The following PPARGC1A variants were observed in gnomAD, a reference collection of about 807,000 sequenced individuals.
The protein encoded by PPARGC1A is PPARG coactivator 1 alpha, also known as peroxisome proliferator-activated receptor gamma coactivator 1-alpha.
PPARGC1A carries 25 observed loss-of-function variants against 88.7 expected under a neutral mutation model. The observed-to-expected ratio is 0.28, with a 90% CI of 0.21 to 0.39. The LOEUF is 0.39. PPARGC1A is among the 10% of genes least tolerant of loss of function. PPARGC1A has a pLI of 1.00. For missense variants in PPARGC1A, 880 were observed against 968.7 expected (o/e 0.91, Z 1.22); for synonymous variants, 363 against 355.6 (o/e 1.02, Z -0.24).
the PPARGC1A span, among the ~76,000 whole-genome samples, chr4:23,914,315 C>T: frequency 6.6e-6 from 1 of 152,210 alleles, no homozygotes; most frequent in South Asian, 2.1e-4. Flanking sequence ...ATAAGACAAT[C>T]ATAGAGACAT....
chr4:24,110,386 T>C, the PPARGC1A span, among the ~76,000 whole-genome samples: 1 of 152,346 alleles, frequency 6.6e-6, no homozygotes, highest in East Asian at 1.9e-4. Flanking sequence ...GATAGATACC[T>C]GAATTGCAAT....
the PPARGC1A span, among the ~76,000 whole-genome samples, chr4:24,317,554 C>CAA: frequency 4.2e-4 from 6 of 14,286 alleles, no homozygotes; most frequent in Non-Finnish European, 1.2e-3. Flanking sequence ...GTTCAGAGGA[C>CAA]TAAAAAAAAA....
intron 2 of PPARGC1A, among the ~76,000 whole-genome samples, chr4:23,845,663 G>A (rs1384560067): frequency 6.6e-6 from 1 of 152,092 alleles, no homozygotes. Context: ...TAGAGCTTGG[G>A]ATTGGGTCTT....
the PPARGC1A span, among the ~76,000 whole-genome samples, chr4:23,933,259 C>A: frequency 6.6e-6 from 1 of 152,198 alleles, no homozygotes; most frequent in South Asian, 2.1e-4. Context: ...ATGGGCCTCT[C>A]CCTAAAGCTC....
chr4:24,173,265 G>A, the PPARGC1A span, among the ~76,000 whole-genome samples: 1 of 149,536 alleles, frequency 6.7e-6, no homozygotes, highest in Non-Finnish European at 1.5e-5. Context: ...CAACATGGAG[G>A]TGAAATATCC....
chr4:24,024,104 A>T, the PPARGC1A span, among the ~76,000 whole-genome samples: 1 of 152,214 alleles, frequency 6.6e-6, no homozygotes, highest in Admixed American at 6.5e-5. Context: ...AGAATAAGAG[A>T]TGGCAAACAG....
the PPARGC1A span, among the ~76,000 whole-genome samples, chr4:24,004,182 C>T: frequency 1.3e-5 from 2 of 152,134 alleles, no homozygotes; most frequent in Admixed American, 1.3e-4. Flanking sequence ...AAAGCCCAAA[C>T]TCGAACACAG....
At chr4:23,897,086 C>A (rs1718686031) in intron 1 of PPARGC1A, among the ~76,000 whole-genome samples, 1 of 152,188 alleles carries the variant, frequency 6.6e-6, no homozygotes, top group Non-Finnish European at 1.5e-5. Context: ...CTTTCTTTCC[C>A]CTGGAAGGTC....
chr4:24,012,327 A>G, the PPARGC1A span, among the ~76,000 whole-genome samples: 1 of 152,106 alleles, frequency 6.6e-6, no homozygotes, highest in Non-Finnish European at 1.5e-5. Flanking sequence ...AGGGAAGCCA[A>G]TTGTCAAGAA....
At chr4:24,392,189 G>A in the PPARGC1A span, among the ~76,000 whole-genome samples, 415 of 152,194 alleles carry the variant, frequency 2.7e-3, 12 homozygotes, top group East Asian at 0.055. Flanking sequence ...TCCAATTGCC[G>A]TCAGTCATTA....
the PPARGC1A span, among the ~76,000 whole-genome samples, chr4:24,181,722 G>T: frequency 2.0e-5 from 3 of 152,086 alleles, no homozygotes; most frequent in East Asian, 5.8e-4. Flanking sequence ...AGAAACTTAG[G>T]CACAGAGCCA....
At chr4:23,826,718 T>C (rs914936603) in intron 5 of PPARGC1A, among the ~76,000 whole-genome samples, 22 of 152,162 alleles carry the variant, frequency 1.4e-4, no homozygotes, top group African/African-American at 5.1e-4. Flanking sequence ...GAATTTTGTC[T>C]GTTTGTCAAC....
At chr4:24,196,270 C>T in the PPARGC1A span, among the ~76,000 whole-genome samples, 1 of 152,200 alleles carries the variant, frequency 6.6e-6, no homozygotes, top group African/African-American at 2.4e-5. Context: ...AATCAGTCTT[C>T]CCCTTACCAC....
At chr4:24,083,895 T>C in the PPARGC1A span, among the ~76,000 whole-genome samples, 7 of 152,370 alleles carry the variant, frequency 4.6e-5, no homozygotes, top group African/African-American at 1.7e-4. Flanking sequence ...AACAGTCATG[T>C]GGCCATAGCT....
At chr4:24,219,814 C>T in the PPARGC1A span, among the ~76,000 whole-genome samples, 1 of 152,150 alleles carries the variant, frequency 6.6e-6, no homozygotes, top group African/African-American at 2.4e-5. Context: ...TGAACTCACA[C>T]CTCCACCTGC....
At chr4:23,889,423 C>G in intron 1 of PPARGC1A, 1 of 961,780 alleles carries the variant, frequency 1.0e-6, no homozygotes, top group Non-Finnish European at 1.2e-6. Flanking sequence ...TTTGTAAGTT[C>G]TCTGTCTGAT....
At chr4:24,143,638 T>C in the PPARGC1A span, among the ~76,000 whole-genome samples, 4 of 151,722 alleles carry the variant, frequency 2.6e-5, no homozygotes, top group Admixed American at 6.5e-5. Context: ...AGATAGATGA[T>C]AGATGATAGA....
At chr4:23,797,266 C>A (rs184803697) in intron 12 of PPARGC1A, among the ~76,000 whole-genome samples, 75 of 152,206 alleles carry the variant, frequency 4.9e-4, no homozygotes, top group South Asian at 2.3e-3. Context: ...CTGGCTTCAA[C>A]GCTTCTCTTC....
chr4:24,432,420 A>C, the PPARGC1A span, among the ~76,000 whole-genome samples: 1 of 152,200 alleles, frequency 6.6e-6, no homozygotes, highest in Admixed American at 6.5e-5. Context: ...AAGGTAGCTA[A>C]CCGAGGAGAG....
Sources: allele counts gnomAD v4.1 joint callset (sites outside exome capture counted in the v4.1 genomes callset), GRCh38; gene constraint gnomAD v4.1.1; transcripts MANE v1.5; gene names NCBI Gene and HGNC (gene_info 2026-07-23, HGNC 2026-07-21).